The following FSTL5 variants were observed in gnomAD, a reference collection of about 807,000 sequenced individuals.
The protein encoded by FSTL5 is follistatin like 5.
FSTL5 carries 62 observed loss-of-function variants against 89.1 expected under a neutral mutation model. The observed-to-expected ratio is 0.70, with a 90% confidence interval of 0.57 to 0.86. The LOEUF (loss-of-function observed/expected upper bound fraction) is 0.86, where lower values mean the gene tolerates loss of function less well. FSTL5 is among the 40% of genes least tolerant of loss of function. The probability of loss-of-function intolerance (pLI) is 0.00; values close to 1 mark genes in which losing one functional copy is unlikely to be tolerated. For missense variants in FSTL5, 1,057 were observed against 1,001.6 expected (o/e 1.06, Z -0.75); for synonymous variants, 383 against 346.2 (o/e 1.11, Z -1.18).
chr4:161,873,257 AG>A, intron 4 of FSTL5, among the ~76,000 whole-genome samples: 1 of 152,202 alleles, frequency 6.6e-6, no homozygotes, highest in East Asian at 1.9e-4. Flanking sequence ...AGGATAGAAT[AG>A]TTGCTTGGTG....
rs34223215 is a variant in FSTL5, at chr4:161,980,764, C to CTT, written c.160+52859_160+52860dup. On this transcript the variant is annotated intron_variant, in intron 3 of 15. Transcript: ENST00000306100. ...ACTCAGTTGTACTTTCTTCAAGTAA[C>CTT]TTTTTTTTTTTTTTTTTTTTTTTTT... Among the ~76,000 whole-genome samples, 410 of 71,838 alleles carry CTT rather than the reference C, an allele frequency of 5.7e-3. 51 individuals are homozygous for CTT. Among genetic ancestry groups the CTT allele is most frequent in the East Asian group, 0.055 (112 of 2,048 alleles). The allele number at this position is 71,838 out of a possible 152,430, so 47.1% of individuals were successfully genotyped here.
intron 15 of FSTL5, among the ~76,000 whole-genome samples, chr4:161,434,579 T>A (rs1330539001): frequency 6.6e-6 from 1 of 151,804 alleles, no homozygotes; most frequent in Non-Finnish European, 1.5e-5. Context: ...TGGGATCACA[T>A]CAAATTAAAA....
At chr4:161,809,260 C>T (rs1318254735) in intron 4 of FSTL5, among the ~76,000 whole-genome samples, 1 of 152,042 alleles carries the variant, frequency 6.6e-6, no homozygotes, top group Non-Finnish European at 1.5e-5. Context: ...ATACAATGAG[C>T]TATAACATCA....
chr4:162,082,912 A>G (rs1730158791), intron 2 of FSTL5, among the ~76,000 whole-genome samples: 2 of 151,462 alleles, frequency 1.3e-5, no homozygotes, highest in Non-Finnish European at 3.0e-5. Context: ...GCAACTAATC[A>G]CGGAATAAAT....
intron 6 of FSTL5, among the ~76,000 whole-genome samples, chr4:161,719,730 G>T (rs1268891783): frequency 6.6e-6 from 1 of 151,868 alleles, no homozygotes; most frequent in Non-Finnish European, 1.5e-5. Context: ...ATTGTAAAGG[G>T]GATCGTTTTC....
chr4:161,868,831 T>G (rs1444572665), intron 4 of FSTL5, among the ~76,000 whole-genome samples: 2 of 152,202 alleles, frequency 1.3e-5, no homozygotes, highest in Non-Finnish European at 2.9e-5. Flanking sequence ...TAAACTATCA[T>G]TTCCTTTAAC....
At chr4:161,437,911 G>A (rs1207292157) in intron 15 of FSTL5, among the ~76,000 whole-genome samples, 1 of 152,148 alleles carries the variant, frequency 6.6e-6, no homozygotes, top group Admixed American at 6.5e-5. Context: ...ATAACAAGAA[G>A]TAAGAAGACT....
chr4:161,961,821 T>G (rs1735186687), intron 3 of FSTL5, among the ~76,000 whole-genome samples: 1 of 151,728 alleles, frequency 6.6e-6, no homozygotes, highest in South Asian at 2.1e-4. Flanking sequence ...CAACTTGAGT[T>G]GATTTGAATT....
intron 4 of FSTL5, among the ~76,000 whole-genome samples, chr4:161,918,120 A>T (rs1353711649): frequency 6.6e-6 from 1 of 152,206 alleles, no homozygotes; most frequent in Non-Finnish European, 1.5e-5. Flanking sequence ...ATAATTCACA[A>T]TTATAAAATT....
intron 6 of FSTL5, among the ~76,000 whole-genome samples, chr4:161,742,119 A>AT (rs1467480643): frequency 1.3e-5 from 2 of 152,120 alleles, no homozygotes; most frequent in African/African-American, 4.8e-5. Flanking sequence ...GTAAAAAAAA[A>AT]GAAAAAACAA....
At chr4:161,526,955 T>C (rs1731242132) in intron 10 of FSTL5, among the ~76,000 whole-genome samples, 1 of 151,792 alleles carries the variant, frequency 6.6e-6, no homozygotes, top group African/African-American at 2.4e-5. Flanking sequence ...CATATGAACT[T>C]TAGTTTTTTC....
chr4:162,126,302 AATT>A (rs1367461042), intron 1 of FSTL5, among the ~76,000 whole-genome samples: 2 of 152,022 alleles, frequency 1.3e-5, no homozygotes, highest in Admixed American at 6.6e-5. Context: ...TTAATATTAA[AATT>A]ATTAATTGAA....
intron 1 of FSTL5, among the ~76,000 whole-genome samples, chr4:162,125,801 C>T (rs1376677149): frequency 2.0e-5 from 3 of 151,798 alleles, no homozygotes; most frequent in African/African-American, 4.8e-5. Flanking sequence ...TATCTTTAAG[C>T]GATAAATTTC....
intron 7 of FSTL5, among the ~76,000 whole-genome samples, chr4:161,618,975 C>T (rs1367740589): frequency 6.6e-6 from 1 of 152,180 alleles, no homozygotes; most frequent in Non-Finnish European, 1.5e-5. Flanking sequence ...CAGCATGGTA[C>T]TGGTACCAAA....
intron 3 of FSTL5, among the ~76,000 whole-genome samples, chr4:162,024,105 T>C (rs1737194200): frequency 6.6e-6 from 1 of 152,162 alleles, no homozygotes; most frequent in African/African-American, 2.4e-5. Flanking sequence ...AAGTGAACCA[T>C]TTCACAGAAT....
At chr4:162,157,954 A>C (rs1733545130) in intron 1 of FSTL5, among the ~76,000 whole-genome samples, 1 of 152,140 alleles carries the variant, frequency 6.6e-6, no homozygotes, top group African/African-American at 2.4e-5. Flanking sequence ...AAACAATAGA[A>C]TAAAGTATTT....
chr4:161,564,269 T>G (rs1240301060), intron 8 of FSTL5, among the ~76,000 whole-genome samples: 2 of 150,950 alleles, frequency 1.3e-5, no homozygotes, highest in African/African-American at 4.8e-5. Context: ...ACACAAACAT[T>G]TTTAACACAG....
chr4:161,977,772 A>G (rs1735707215), intron 3 of FSTL5, among the ~76,000 whole-genome samples: 1 of 151,756 alleles, frequency 6.6e-6, no homozygotes, highest in Non-Finnish European at 1.5e-5. Context: ...TCCAACTATA[A>G]GTGAACCCAC....
intron 7 of FSTL5, among the ~76,000 whole-genome samples, chr4:161,622,440 A>G (rs954879675): frequency 2.0e-5 from 3 of 152,166 alleles, no homozygotes; most frequent in African/African-American, 7.2e-5. Context: ...ATAGAAAATT[A>G]TAGACCCTCA....
Sources: allele counts gnomAD v4.1 joint callset (sites outside exome capture counted in the v4.1 genomes callset), GRCh38; gene constraint gnomAD v4.1.1; transcripts MANE v1.5; gene names NCBI Gene and HGNC (gene_info 2026-07-23, HGNC 2026-07-21).